ARHGEF10: variants seen among roughly 807,000 people sequenced by gnomAD.
ARHGEF10 encodes the protein Rho guanine nucleotide exchange factor 10, also known as Rho guanine nucleotide exchange factor (GEF) 10.
In ARHGEF10, 140 loss-of-function variants were observed where a neutral mutation model predicts 147.4. That is an observed-to-expected ratio of 0.95 (90% CI 0.83 to 1.09). The LOEUF is 1.09. ARHGEF10 is among the 50% of genes least tolerant of loss of function. The probability of loss-of-function intolerance (pLI) is 0.00; values close to 1 mark genes in which losing one functional copy is unlikely to be tolerated. For synonymous variants in ARHGEF10, 902 were observed against 695.8 expected, an observed-to-expected ratio of 1.30 and a Z score of -4.67; for missense variants, 2,222 against 1,752.7, an observed-to-expected ratio of 1.27 and a Z score of -4.78.
chr8:1,877,207 A>G lies in ARHGEF10; in HGVS notation c.843+473A>G, dbSNP rs3779694. On this transcript the variant is annotated intron_variant, in intron 8 of 28. Coordinates refer to ENST00000349830, the MANE Select transcript of ARHGEF10 (RefSeq NM_014629.4). ...TTAAGGGACAAAAGCTTCTAAACTG[A>G]CCTGTGACAATCCTTTCTTTTTTCT... Among the ~76,000 whole-genome samples, 462 of 152,220 alleles carry G rather than the reference A, an allele frequency of 3.0e-3. 4 individuals carry two copies. In the East Asian group the frequency reaches 0.033, roughly 11 times the overall value.
In ARHGEF10 at chr8:1,933,920, G is replaced by A. The variant is rs1485789205; in HGVS notation, c.3200G>A (p.Ser1067Asn). ...AASGGQVFIISVETHAVEGQL... is the reference protein window; with the variant it reads ...AASGGQVFIINVETHAVEGQL... ...TCCGGAGGTCAAGTCTTCATCATCA[G>A]TGTGGAGACTCATGCTGTAGAGGTA... is the stretch of plus-strand genomic sequence containing the variant. The change falls in exon 26 of 29, where the codon AGT becomes AAT. Residue 1067 changes from serine to asparagine, a missense_variant. By Grantham distance (46) the Ser-to-Asn change is conservative. Coordinates refer to ENST00000349830, the MANE Select transcript of ARHGEF10 (RefSeq NM_014629.4). 2 of 1,614,214 alleles carry A rather than the reference G, an allele frequency of 1.2e-6. No individual in the cohort carries two copies. The highest frequency in any genetic ancestry group is 1.1e-5 in the South Asian group (1 of 91,082).
chr8:1,878,513 C>G (rs747165165), intron 8 of ARHGEF10, among the ~76,000 whole-genome samples: 2 of 152,172 alleles, frequency 1.3e-5, no homozygotes, highest in Non-Finnish European at 2.9e-5. Flanking sequence ...CAGCTGATAA[C>G]TGAGGTGATA....
chr8:1,909,025 T>A (rs1490005049), intron 17 of ARHGEF10, among the ~76,000 whole-genome samples: 4 of 152,234 alleles, frequency 2.6e-5, no homozygotes, highest in African/African-American at 9.6e-5. Flanking sequence ...CTGCTTCCTG[T>A]TAAGCCTTTA....
At chr8:1,854,865 G>A (rs929466867) in intron 2 of ARHGEF10, among the ~76,000 whole-genome samples, 4 of 152,128 alleles carry the variant, frequency 2.6e-5, no homozygotes, top group African/African-American at 7.2e-5. Flanking sequence ...CAGAGGTGCC[G>A]GCTCCGAGAA....
chr8:1,856,540 A>T (rs1303273024), intron 2 of ARHGEF10, among the ~76,000 whole-genome samples: 2 of 152,254 alleles, frequency 1.3e-5, no homozygotes, highest in Admixed American at 6.5e-5. Flanking sequence ...TTAGACCGCT[A>T]GAGTTCCCCG....
At chr8:1,931,190 G>T (rs1345823670) in intron 25 of ARHGEF10, among the ~76,000 whole-genome samples, 3 of 152,246 alleles carry the variant, frequency 2.0e-5, no homozygotes, top group Non-Finnish European at 4.4e-5. Flanking sequence ...CCTCCCTGCT[G>T]CCTGTGTTCC....
chr8:1,896,762 G>T (rs1810007028), intron 14 of ARHGEF10, among the ~76,000 whole-genome samples: 1 of 152,188 alleles, frequency 6.6e-6, no homozygotes, highest in Non-Finnish European at 1.5e-5. Flanking sequence ...ATGGTATTAG[G>T]AATCAAATAA....
rs1417067600 is a variant in ARHGEF10 at position 1,882,765 on chromosome 8, T to A, written c.1075+16T>A. 1 of 1,520,940 alleles carries A rather than the reference T, an allele frequency of 6.6e-7. No homozygotes were observed. The highest frequency in any genetic ancestry group is 1.5e-5 in the African/African-American group (1 of 68,298). The allele number at this position is 1,520,940 out of a possible 1,614,324, so 94.2% of individuals were successfully genotyped here. On this transcript the variant is annotated intron_variant, in intron 10 of 28. Transcript: ENST00000349830. ...ATCGCACAGGGTCCGTGCCTGCAGG[T>A]CTTCTTGCGGGGAGGACACGGGGTT...
chr8:1,897,576 C>A (rs36071453), intron 14 of ARHGEF10, among the ~76,000 whole-genome samples: 1 of 115,950 alleles, frequency 8.6e-6, no homozygotes. Flanking sequence ...TGTCCTAAGG[C>A]ATCGGATCGC....
At chr8:1,891,223 T>C (rs1432310199) in intron 11 of ARHGEF10, among the ~76,000 whole-genome samples, 7 of 152,166 alleles carry the variant, frequency 4.6e-5, no homozygotes, top group African/African-American at 1.7e-4. Context: ...CTTTCTTTAT[T>C]GTAGTCATGA....
intron 2 of ARHGEF10, among the ~76,000 whole-genome samples, chr8:1,847,093 C>T (rs1804621120): frequency 6.6e-6 from 1 of 152,142 alleles, no homozygotes; most frequent in Admixed American, 6.6e-5. Flanking sequence ...CTAGAAATGT[C>T]TTTGGCAACA....
intron 18 of ARHGEF10, among the ~76,000 whole-genome samples, chr8:1,915,195 C>G (rs1315782737): frequency 2.6e-5 from 4 of 152,128 alleles, no homozygotes; most frequent in African/African-American, 7.2e-5. Flanking sequence ...AAAGAGCTCT[C>G]AGAGAGGATG....
At chr8:1,908,313 C>G (rs1006078496) in intron 17 of ARHGEF10, among the ~76,000 whole-genome samples, 1 of 148,432 alleles carries the variant, frequency 6.7e-6, no homozygotes, top group African/African-American at 2.5e-5. Context: ...TCGCTGCAAG[C>G]TCTGCCTCCC....
At chr8:1,930,212 G>A (rs970691991) in intron 25 of ARHGEF10, among the ~76,000 whole-genome samples, 5 of 151,966 alleles carry the variant, frequency 3.3e-5, no homozygotes, top group Non-Finnish European at 7.4e-5. Flanking sequence ...AGTGGAACAC[G>A]CAGGGCTTCC....
chr8:1,850,187 GCGTGGGGCGGCCA>G (rs1804985474), intron 2 of ARHGEF10, among the ~76,000 whole-genome samples: 3 of 140,806 alleles, frequency 2.1e-5, no homozygotes, highest in East Asian at 2.2e-4. Context: ...GCTGAGGAGG[GCGTGGGGCGGCCA>G]CATGGGCATG....
chr8:1,954,161 T>C (rs1815291566), intron 28 of ARHGEF10, among the ~76,000 whole-genome samples: 1 of 152,124 alleles, frequency 6.6e-6, no homozygotes, highest in Admixed American at 6.5e-5. Flanking sequence ...TGGCACAGTC[T>C]CGGCTCACTG....
At chr8:1,876,124 C>A (rs1294279496) in intron 7 of ARHGEF10, 1 of 198,588 alleles carries the variant, frequency 5.0e-6, no homozygotes, top group Non-Finnish European at 1.0e-5. Context: ...ACCTATCCAT[C>A]CACCTACCCA....
chr8:1,867,568 G>C (rs114154039), intron 6 of ARHGEF10, among the ~76,000 whole-genome samples: 2 of 152,160 alleles, frequency 1.3e-5, no homozygotes, highest in African/African-American at 4.8e-5. Context: ...TCCAGCTTCC[G>C]TACAATTCAG....
rs1297633626 is a variant in ARHGEF10, at chr8:1,841,920, G to T, written c.-47-1433G>T. On this transcript the variant is annotated intron_variant, in intron 1 of 28. Transcript: ENST00000349830. The stretch of plus-strand genomic sequence containing the variant: ...AACTGGGGCCGCGGCGGGAACTGGG[G>T]CCGCGGCGGGAACTGGGGCCGCGAC... 3.2e-3 allele frequency among the ~76,000 whole-genome samples: 280 copies of T among 87,516 alleles called. 11 individuals carry two copies. Among genetic ancestry groups the T allele is most frequent in the African/African-American group, 0.013 (211 of 16,072 alleles). The allele number at this position is 87,516 out of a possible 152,430, so 57.4% of individuals were successfully genotyped here. A position where few individuals can be genotyped will look rare whatever the true frequency, so the allele number is the denominator to read the frequency against.
Sources: gnomAD v4.1 joint callset for allele counts (sites outside exome capture counted in the v4.1 genomes callset) on GRCh38, gnomAD v4.1.1 for gene constraint, MANE v1.5 for transcripts, NCBI Gene and HGNC (gene_info 2026-07-23, HGNC 2026-07-21) for gene names.